Variants in TRIM24 observed in about 807,000 individuals in gnomAD.
TRIM24 encodes tripartite motif containing 24.
TRIM24 carries 29 observed loss-of-function variants against 123.9 expected under a neutral mutation model. The observed-to-expected ratio is 0.23, with a 90% CI of 0.17 to 0.32. The LOEUF (loss-of-function observed/expected upper bound fraction) is 0.32, where lower values mean the gene tolerates loss of function less well. Ranked by LOEUF, TRIM24 falls within the 10% of genes least tolerant of loss-of-function variation. The pLI, the probability that TRIM24 is intolerant of heterozygous loss-of-function variation, is 1.00. For synonymous variants in TRIM24, 456 were observed against 461.1 expected, an observed-to-expected ratio of 0.99 and a Z score of 0.14; for missense variants, 932 against 1,295.3, an observed-to-expected ratio of 0.72 and a Z score of 4.31.
At chr7:138,565,555 G>A (rs539446725) in intron 9 of TRIM24, among the ~76,000 whole-genome samples, 1 of 152,158 alleles carries the variant, frequency 6.6e-6, no homozygotes, top group Admixed American at 6.5e-5. Flanking sequence ...TCTCACAGGC[G>A]AAGAGACAGT....
intron 1 of TRIM24, among the ~76,000 whole-genome samples, chr7:138,502,096 G>C (rs1437342654): frequency 1.3e-5 from 2 of 152,166 alleles, no homozygotes; most frequent in Non-Finnish European, 2.9e-5. Context: ...GTATATCCAT[G>C]ACTCAGAATT....
intron 1 of TRIM24, among the ~76,000 whole-genome samples, chr7:138,491,589 TGGATATTTA>T (rs1795782286): frequency 6.6e-6 from 1 of 152,220 alleles, no homozygotes; most frequent in African/African-American, 2.4e-5. Flanking sequence ...GATCTTTTAG[TGGATATTTA>T]GGCTGCCCAC....
At chr7:138,570,800 G>C (rs1797638089) in intron 10 of TRIM24, 30 bp from the exon 11 acceptor site, 2 of 1,609,040 alleles carry the variant, frequency 1.2e-6, no homozygotes, top group Non-Finnish European at 1.7e-6. Context: ...CTTGTTGATA[G>C]CCTTTGTTCT....
At chr7:138,478,321 T>C (rs1795447784) in intron 1 of TRIM24, among the ~76,000 whole-genome samples, 1 of 152,132 alleles carries the variant, frequency 6.6e-6, no homozygotes, top group African/African-American at 2.4e-5. Flanking sequence ...AACTGAGAAG[T>C]ATATTGATTA....
At chr7:138,532,369 A>T (rs1796766521) in intron 6 of TRIM24, among the ~76,000 whole-genome samples, 1 of 152,078 alleles carries the variant, frequency 6.6e-6, no homozygotes, top group South Asian at 2.1e-4. Flanking sequence ...TAAGTCTTTA[A>T]TCCATCTTGA....
chr7:138,582,675 C>T (rs1204734457), intron 17 of TRIM24, among the ~76,000 whole-genome samples: 7 of 151,282 alleles, frequency 4.6e-5, no homozygotes, highest in Admixed American at 4.6e-4. Flanking sequence ...GCCGAGATTG[C>T]GCCATTGCTC....
Position 138,589,743 on chromosome 7 carries a change from T to C in TRIM24, c.*4792T>C, listed in dbSNP as rs1045691728. 2.6e-5 allele frequency: 4 copies of C among 152,122 alleles called. No homozygotes were observed. The highest frequency in any genetic ancestry group is 5.9e-5 in the Non-Finnish European group (4 of 68,012). The allele number at this position is 152,122 out of a possible 1,614,324, so 9.4% of individuals were successfully genotyped here. ...TGGGGAAGGGGGGAAAGACACAGAG[T>C]GGGGACCTTTGGAAGTCATTTTAAA... On this transcript the variant is annotated 3_prime_UTR_variant, in exon 19 of 19. Coordinates refer to ENST00000343526, the MANE Select transcript of TRIM24 (RefSeq NM_015905.3).
chr7:138,467,508 AT>A lies in TRIM24; in HGVS notation c.364+6601del, dbSNP rs1267094435. 2.6e-5 allele frequency among the ~76,000 whole-genome samples: 4 copies of A among 152,014 alleles called. No homozygotes were observed. The East Asian group carries it at 7.7e-4, about 29-fold the overall frequency. On this transcript the variant is annotated intron_variant, in intron 1 of 18. Coordinates refer to ENST00000343526, the MANE Select transcript of TRIM24 (RefSeq NM_015905.3). ...AGGCATGCGCCACTACGCCCAGCTG[AT>A]TTTTGTATTTTTTAGTAGAGACGGG...
intron 6 of TRIM24, among the ~76,000 whole-genome samples, chr7:138,534,826 C>A (rs181580087): frequency 6.6e-6 from 1 of 152,024 alleles, no homozygotes; most frequent in African/African-American, 2.4e-5. Context: ...TTAAAGTCTC[C>A]CATTATTATT....
At chr7:138,525,449 C>T (rs1051173984) in intron 5 of TRIM24, 92 bp downstream of exon 5, 18 of 606,156 alleles carry the variant, frequency 3.0e-5, no homozygotes, top group African/African-American at 9.8e-5. Flanking sequence ...TTAAGTAATA[C>T]GTTGTTAGAT....
At chr7:138,525,399 T>TAACA in intron 5 of TRIM24, 42 bp downstream of exon 5, 1 of 1,147,780 alleles carries the variant, frequency 8.7e-7, no homozygotes, top group Non-Finnish European at 1.2e-6. Flanking sequence ...TATAATTTGT[T>TAACA]AAGTATATTC....
intron 7 of TRIM24, chr7:138,545,424 T>A: frequency 2.2e-6 from 1 of 456,804 alleles, no homozygotes; most frequent in South Asian, 1.5e-5. Context: ...GTAAATGGAT[T>A]GAATAAGTAA....
At position 138,588,129 on chromosome 7, in the gene TRIM24, A is replaced by G. The variant is rs1279905901; in HGVS notation, c.*3178A>G. On this transcript the variant is annotated 3_prime_UTR_variant, in exon 19 of 19. Transcript: ENST00000343526. ...TCAAAAAGGTTACCTCCATAGTCAA[A>G]AAAAGGGGGAGTATACAGCTGATTG... 1 of 152,180 alleles carries G rather than the reference A, an allele frequency of 6.6e-6. No individual in the cohort carries two copies. The highest frequency in any genetic ancestry group is 1.5e-5 in the Non-Finnish European group (1 of 68,034). The allele number at this position is 152,180 out of a possible 1,614,324, so 9.4% of individuals were successfully genotyped here.
chr7:138,479,653 CAGGCATGTGACG>C (rs1265067460), intron 1 of TRIM24, among the ~76,000 whole-genome samples: 1 of 147,190 alleles, frequency 6.8e-6, no homozygotes. Flanking sequence ...GCTGGGATTA[CAGGCATGTGACG>C]CCTGGCTAAT....
chr7:138,554,848 A>C lies in TRIM24; in HGVS notation c.1412A>C (p.Gln471Pro), dbSNP rs758735032. The part of the protein sequence containing the change: ...TQISLAQLRL[Q>P]HMQQQVMAQR... ...ATCAGCCTAGCTCAATTACGGCTCC[A>C]GCATATGCAGCAACAGGTAATGGCT... Residue 471 changes from glutamine (Q) to proline (P), a missense_variant, in exon 9 of 19, where the codon CAG becomes CCG. Coordinates refer to ENST00000343526, the MANE Select transcript of TRIM24 (RefSeq NM_015905.3). The surrounding 1 kb of genome is among the most constrained non-coding windows in gnomAD (Gnocchi z 4.5). The C allele has an allele frequency of 6.2e-7, 1 of 1,614,172 alleles. No individual in the cohort carries two copies. Among genetic ancestry groups the C allele is most frequent in the Non-Finnish European group, 8.5e-7 (1 of 1,180,010 alleles).
chr7:138,490,375 C>T (rs554587747), intron 1 of TRIM24, among the ~76,000 whole-genome samples: 7 of 152,314 alleles, frequency 4.6e-5, no homozygotes, highest in East Asian at 1.9e-4. Context: ...AGTTATTCTC[C>T]GTCCAGCTTT....
intron 3 of TRIM24, among the ~76,000 whole-genome samples, chr7:138,516,342 C>G (rs112271968): frequency 0.021 from 3,241 of 152,214 alleles, 94 homozygotes; most frequent in African/African-American, 0.071. Flanking sequence ...TTTTCTTCCC[C>G]TAGCTCCTAG....
intron 1 of TRIM24, among the ~76,000 whole-genome samples, chr7:138,504,066 C>G (rs1380857163): frequency 1.3e-5 from 2 of 152,054 alleles, no homozygotes; most frequent in African/African-American, 4.8e-5. Context: ...GGAAGGGAGG[C>G]ATTTCATTTA....
At chr7:138,575,026 A>G (rs1439091864) in intron 12 of TRIM24, among the ~76,000 whole-genome samples, 1 of 152,196 alleles carries the variant, frequency 6.6e-6, no homozygotes, top group Non-Finnish European at 1.5e-5. Context: ...GAATGTGCTC[A>G]CTTGTAAACA....
Sources: gnomAD v4.1 joint callset for allele counts (sites outside exome capture counted in the v4.1 genomes callset) on GRCh38, gnomAD v4.1.1 for gene constraint, Gnocchi (gnomAD v3.1) non-coding constraint, MANE v1.5 for transcripts, NCBI Gene and HGNC (gene_info 2026-07-23, HGNC 2026-07-21) for gene names.